ANO6: variants seen among roughly 807,000 people sequenced by gnomAD.
The protein encoded by ANO6 is anoctamin-6.
ANO6 carries 106 observed loss-of-function variants against 117.5 expected under a neutral mutation model. The ratio of observed to expected loss-of-function variants is 0.90; its 90% CI spans 0.77 to 1.06. The LOEUF (loss-of-function observed/expected upper bound fraction) is 1.06, where lower values mean the gene tolerates loss of function less well. Ranked by LOEUF, ANO6 falls within the 50% of genes least tolerant of loss-of-function variation. The pLI is 0.00. For synonymous variants in ANO6, 367 were observed against 385.1 expected (o/e 0.95, Z 0.55); for missense variants, 955 against 1,121.1 (o/e 0.85, Z 2.12).
At chr12:45,274,291 G>A (rs1456810163) in intron 1 of ANO6, among the ~76,000 whole-genome samples, 1 of 152,106 alleles carries the variant, frequency 6.6e-6, no homozygotes, top group African/African-American at 2.4e-5. Flanking sequence ...TCTTCACTTA[G>A]TTGTTTAGTA....
intron 10 of ANO6, among the ~76,000 whole-genome samples, chr12:45,384,868 T>G (rs1454852268): frequency 6.6e-6 from 1 of 152,216 alleles, no homozygotes; most frequent in Non-Finnish European, 1.5e-5. Context: ...AATCAATTTG[T>G]AAGAAGATAA....
At chr12:45,359,698 A>G (rs541322914) in intron 8 of ANO6, among the ~76,000 whole-genome samples, 1 of 152,196 alleles carries the variant, frequency 6.6e-6, no homozygotes, top group South Asian at 2.1e-4. Flanking sequence ...ATTGATGGAC[A>G]TTTGGGTTGT....
intron 1 of ANO6, among the ~76,000 whole-genome samples, chr12:45,291,950 T>C (rs1041020463): frequency 3.9e-5 from 6 of 152,134 alleles, no homozygotes; most frequent in African/African-American, 1.4e-4. Context: ...CGATCCACAG[T>C]TCCAAATCCT....
chr12:45,262,550 G>A (rs1294866211), intron 1 of ANO6, among the ~76,000 whole-genome samples: 1 of 151,710 alleles, frequency 6.6e-6, no homozygotes, highest in Non-Finnish European at 1.5e-5. Context: ...TCAGCCTCCC[G>A]AGCAGCTGGG....
At chr12:45,418,244 G>A (rs1047361471) in intron 17 of ANO6, among the ~76,000 whole-genome samples, 2 of 152,178 alleles carry the variant, frequency 1.3e-5, no homozygotes, top group African/African-American at 4.8e-5. Context: ...GAACCTAGCT[G>A]TCATCCCTAC....
At chr12:45,356,063 C>T (rs1176269963) in intron 7 of ANO6, among the ~76,000 whole-genome samples, 2 of 152,208 alleles carry the variant, frequency 1.3e-5, no homozygotes, top group Non-Finnish European at 2.9e-5. Flanking sequence ...TCTCTTTCTG[C>T]CTAACTGTAC....
At chr12:45,350,921 G>A in intron 7 of ANO6, 147 bp downstream of exon 7, 1 of 680,668 alleles carries the variant, frequency 1.5e-6, no homozygotes, top group Admixed American at 2.2e-5. Context: ...TTTTTATTGA[G>A]GCTTAATTAT....
At chr12:45,335,320 G>A (rs1940793457) in intron 3 of ANO6, among the ~76,000 whole-genome samples, 1 of 151,968 alleles carries the variant, frequency 6.6e-6, no homozygotes, top group African/African-American at 2.4e-5. Flanking sequence ...TATAGAGCCT[G>A]TGAGCTTCTA....
intron 10 of ANO6, among the ~76,000 whole-genome samples, chr12:45,387,586 T>C (rs1347877456): frequency 6.6e-6 from 1 of 152,236 alleles, no homozygotes; most frequent in African/African-American, 2.4e-5. Context: ...TTTCCCAGCA[T>C]CTATAGTCTA....
chr12:45,351,490 A>G (rs1250839833), intron 7 of ANO6, among the ~76,000 whole-genome samples: 2 of 152,224 alleles, frequency 1.3e-5, no homozygotes, highest in African/African-American at 4.8e-5. Flanking sequence ...CAAACAAGCC[A>G]ATAAAACATG....
intron 2 of ANO6, among the ~76,000 whole-genome samples, chr12:45,323,403 T>C (rs1446581934): frequency 1.3e-5 from 2 of 152,166 alleles, no homozygotes; most frequent in Admixed American, 1.3e-4. Flanking sequence ...TCCCTGATAA[T>C]CTGAGTAACA....
intron 1 of ANO6, among the ~76,000 whole-genome samples, chr12:45,275,138 T>A (rs1938512710): frequency 6.6e-6 from 1 of 152,080 alleles, no homozygotes; most frequent in African/African-American, 2.4e-5. Flanking sequence ...TACTAAAGAA[T>A]CAAACACCTT....
At chr12:45,397,587 A>C (rs148151892) in intron 12 of ANO6, among the ~76,000 whole-genome samples, 1 of 152,360 alleles carries the variant, frequency 6.6e-6, no homozygotes, top group African/African-American at 2.4e-5. Context: ...AACCAACCCA[A>C]ATGTCCACCA....
At chr12:45,341,548 C>G (rs1565703402) in intron 3 of ANO6, among the ~76,000 whole-genome samples, 1 of 152,022 alleles carries the variant, frequency 6.6e-6, no homozygotes, top group African/African-American at 2.4e-5. Flanking sequence ...AGACATGAGG[C>G]AAAAGAGAAG....
intron 1 of ANO6, among the ~76,000 whole-genome samples, chr12:45,234,047 C>G (rs1404867415): frequency 2.0e-5 from 3 of 152,170 alleles, no homozygotes; most frequent in Non-Finnish European, 4.4e-5. Context: ...CCTTAACCTT[C>G]TAATTCTGTT....
intron 2 of ANO6, among the ~76,000 whole-genome samples, chr12:45,308,265 G>A (rs1361344564): frequency 6.6e-6 from 1 of 151,798 alleles, no homozygotes; most frequent in African/African-American, 2.4e-5. Flanking sequence ...AGGGAATCCC[G>A]TCTATAAGTG....
intron 3 of ANO6, among the ~76,000 whole-genome samples, chr12:45,346,009 G>T: frequency 7.7e-6 from 1 of 129,690 alleles, no homozygotes; most frequent in Non-Finnish European, 1.6e-5. Context: ...GAAACAAAAG[G>T]GGGCCAAACT....
intron 16 of ANO6, among the ~76,000 whole-genome samples, chr12:45,415,450 G>C (rs535875780): frequency 5.3e-5 from 8 of 152,284 alleles, no homozygotes; most frequent in African/African-American, 1.7e-4. Context: ...CTTTCCATAG[G>C]ACACACGCTT....
At chr12:45,288,196 T>G (rs1307178102) in intron 1 of ANO6, among the ~76,000 whole-genome samples, 1 of 152,212 alleles carries the variant, frequency 6.6e-6, no homozygotes, top group Non-Finnish European at 1.5e-5. Context: ...AAAGGATTAT[T>G]TTTTTAAAGC....
Sources: gnomAD v4.1 joint callset for allele counts (sites outside exome capture counted in the v4.1 genomes callset) on GRCh38, gnomAD v4.1.1 for gene constraint, MANE v1.5 for transcripts, NCBI Gene and HGNC (gene_info 2026-07-23, HGNC 2026-07-21) for gene names.